AFF3: variants seen among roughly 807,000 people sequenced by gnomAD.
The protein encoded by AFF3 is ALF transcription elongation factor 3.
Under a neutral mutation model 129.7 loss-of-function variants are expected in AFF3, and 32 were observed. The observed-to-expected ratio is 0.25, with a 90% CI of 0.19 to 0.33. The LOEUF (loss-of-function observed/expected upper bound fraction) is 0.33, where lower values mean the gene tolerates loss of function less well. AFF3 is among the 10% of genes least tolerant of loss of function. The pLI is 1.00. For synonymous variants in AFF3, 644 were observed against 635.4 expected, an observed-to-expected ratio of 1.01 and a Z score of -0.20; for missense variants, 1,373 against 1,592.0, an observed-to-expected ratio of 0.86 and a Z score of 2.34.
chr2:99,764,991 T>A (rs1483252383), intron 8 of AFF3, among the ~76,000 whole-genome samples: 3 of 152,158 alleles, frequency 2.0e-5, no homozygotes, highest in African/African-American at 7.2e-5. Flanking sequence ...GGCTGACACA[T>A]CACTGCGTCA....
chr2:99,589,830 T>C (rs1420514620), intron 15 of AFF3, among the ~76,000 whole-genome samples: 1 of 152,178 alleles, frequency 6.6e-6, no homozygotes, highest in Non-Finnish European at 1.5e-5. Flanking sequence ...CGCTGGGCCC[T>C]TTGTTCAAAA....
intron 2 of AFF3, among the ~76,000 whole-genome samples, chr2:100,120,764 G>A (rs543701681): frequency 2.8e-4 from 43 of 152,006 alleles, no homozygotes; most frequent in Non-Finnish European, 5.3e-4. Flanking sequence ...GGGCTCAAGC[G>A]ATCCTCCATG....
chr2:100,136,008 G>A (rs1692627374), intron 1 of AFF3, among the ~76,000 whole-genome samples: 1 of 152,198 alleles, frequency 6.6e-6, no homozygotes, highest in Non-Finnish European at 1.5e-5. Flanking sequence ...AAGGTCCTAG[G>A]CTGACACTGG....
At chr2:99,775,576 G>A (rs569598932) in intron 8 of AFF3, among the ~76,000 whole-genome samples, 1 of 152,180 alleles carries the variant, frequency 6.6e-6, no homozygotes, top group African/African-American at 2.4e-5. Context: ...GAGGTAGGAG[G>A]AGGGAAAAAT....
At chr2:99,902,420 G>A (rs928113009) in intron 7 of AFF3, among the ~76,000 whole-genome samples, 21 of 151,994 alleles carry the variant, frequency 1.4e-4, no homozygotes, top group African/African-American at 2.7e-4. Flanking sequence ...CACACACCGC[G>A]CACTCACTAC....
chr2:100,057,245 C>T (rs1024900174), intron 4 of AFF3, among the ~76,000 whole-genome samples: 3 of 138,896 alleles, frequency 2.2e-5, no homozygotes. Context: ...CACTGGAACT[C>T]GGGAGGCAGA....
At chr2:99,774,291 C>G (rs953313022) in intron 8 of AFF3, among the ~76,000 whole-genome samples, 3 of 152,106 alleles carry the variant, frequency 2.0e-5, no homozygotes. Flanking sequence ...AATCCTAATC[C>G]TAAGCAAAAA....
chr2:99,687,145 C>A (rs561643764), intron 11 of AFF3, among the ~76,000 whole-genome samples: 17 of 152,322 alleles, frequency 1.1e-4, no homozygotes, highest in African/African-American at 4.1e-4. Context: ...AAACTCAGAA[C>A]AAAGAGAAGG....
chr2:99,701,857 T>C (rs1416149329), intron 11 of AFF3, among the ~76,000 whole-genome samples: 1 of 152,240 alleles, frequency 6.6e-6, no homozygotes, highest in Non-Finnish European at 1.5e-5. Flanking sequence ...ACCACTGATC[T>C]GTTCTCCGTC....
chr2:100,009,982 T>C (rs906871532), intron 4 of AFF3, among the ~76,000 whole-genome samples: 7 of 152,180 alleles, frequency 4.6e-5, no homozygotes, highest in African/African-American at 1.7e-4. Flanking sequence ...CTTGGTCTAG[T>C]GGGCAGATGC....
chr2:99,835,929 G>T (rs1053771040), intron 8 of AFF3, among the ~76,000 whole-genome samples: 2 of 152,294 alleles, frequency 1.3e-5, no homozygotes, highest in African/African-American at 4.8e-5. Flanking sequence ...GCTCTCATCA[G>T]CTCTCTTTAG....
In AFF3 at chr2:99,593,836, C is replaced by T; in HGVS notation, c.1825G>A (p.Ala609Thr). The T allele has an allele frequency of 7.5e-6, 12 of 1,601,536 alleles. No homozygotes were observed. Among genetic ancestry groups the T allele is most frequent in the Non-Finnish European group, 1.0e-5 (12 of 1,175,260 alleles). Residue 609 changes from alanine (A) to threonine (T), a missense_variant, in exon 15 of 25, where the codon GCG becomes ACG. Physicochemically the swap from Ala to Thr is moderately conservative, Grantham distance 58. This residue lies in a region of AFF3 where 466 missense variants were observed against 505.0 expected (regional missense o/e 0.92). Coordinates refer to ENST00000672756, the MANE Select transcript of AFF3 (RefSeq NM_001386135.1). Reference sequence around the variant, plus strand: ...CTCGTCCCCAGCGCGTCCGCGGCCGCGGGCTCCTCGGGCCGGTGGCAGTTG... The same window carrying T: ...CTCGTCCCCAGCGCGTCCGCGGCCGTGGGCTCCTCGGGCCGGTGGCAGTTG... The part of the protein sequence containing the change: ...GANCHRPEEP[A>T]AADALGTSVV...
intron 8 of AFF3, among the ~76,000 whole-genome samples, chr2:99,806,497 C>T (rs1345297543): frequency 6.6e-6 from 1 of 152,120 alleles, no homozygotes; most frequent in Non-Finnish European, 1.5e-5. Context: ...AAATTCAATG[C>T]GATGCACCAG....
At chr2:99,767,653 C>T (rs964816554) in intron 8 of AFF3, among the ~76,000 whole-genome samples, 3 of 152,206 alleles carry the variant, frequency 2.0e-5, no homozygotes, top group Non-Finnish European at 4.4e-5. Flanking sequence ...CTGGCCATCA[C>T]CATCAGTGAA....
intron 22 of AFF3, among the ~76,000 whole-genome samples, chr2:99,557,531 G>A (rs1575342535): frequency 6.6e-6 from 1 of 152,108 alleles, no homozygotes; most frequent in South Asian, 2.1e-4. Flanking sequence ...AGCCCCTGGC[G>A]GCTTACAGAA....
chr2:99,812,570 AG>A (rs1042816731), intron 8 of AFF3, among the ~76,000 whole-genome samples: 1 of 152,242 alleles, frequency 6.6e-6, no homozygotes, highest in African/African-American at 2.4e-5. Context: ...GGTATCATAG[AG>A]GAAACTACAT....
intron 7 of AFF3, among the ~76,000 whole-genome samples, chr2:99,877,019 T>C (rs1321254473): frequency 1.3e-5 from 2 of 152,030 alleles, no homozygotes; most frequent in African/African-American, 4.8e-5. Context: ...GGCAGGTTGG[T>C]AGAGTGGGTG....
At chr2:100,009,785 T>C (rs1435960000) in intron 4 of AFF3, among the ~76,000 whole-genome samples, 2 of 152,222 alleles carry the variant, frequency 1.3e-5, no homozygotes, top group Non-Finnish European at 2.9e-5. Context: ...ACCTGTTTAC[T>C]GAAGGAAGGA....
At chr2:99,832,383 C>A (rs1688572279) in intron 8 of AFF3, among the ~76,000 whole-genome samples, 1 of 152,182 alleles carries the variant, frequency 6.6e-6, no homozygotes, top group Non-Finnish European at 1.5e-5. Context: ...GGGCTCAGAA[C>A]AGATTCTGAA....
Sources: allele counts gnomAD v4.1 joint callset (sites outside exome capture counted in the v4.1 genomes callset), GRCh38; gene constraint gnomAD v4.1.1; regional missense constraint gnomAD v4.1.1; transcripts MANE v1.5; gene names NCBI Gene and HGNC (gene_info 2026-07-23, HGNC 2026-07-21).